Variants in DRD3 observed in about 807,000 individuals in gnomAD.
DRD3 encodes the protein dopamine receptor D3, also known as D(3) dopamine receptor.
A neutral mutation model predicts 36.3 loss-of-function variants in DRD3; 19 were observed. The ratio of observed to expected loss-of-function variants is 0.52; its 90% CI spans 0.36 to 0.77. DRD3 has a LOEUF of 0.77. Ranked by LOEUF, DRD3 falls within the 30% of genes least tolerant of loss-of-function variation. The probability of loss-of-function intolerance (pLI) is 0.00; values close to 1 mark genes in which losing one functional copy is unlikely to be tolerated. For missense variants in DRD3, 465 were observed against 505.3 expected (o/e 0.92, Z 0.77); for synonymous variants, 195 against 203.7 (o/e 0.96, Z 0.36).
At chr3:114,195,023 C>G (rs984268132) in intron 1 of DRD3, among the ~76,000 whole-genome samples, 1 of 152,164 alleles carries the variant, frequency 6.6e-6, no homozygotes, top group South Asian at 2.1e-4. Context: ...TCAATCAGCT[C>G]TAATCTACTC....
upstream of DRD3, among the ~76,000 whole-genome samples, chr3:114,183,680 C>T (rs939138451): frequency 3.3e-5 from 5 of 151,628 alleles, no homozygotes; most frequent in Non-Finnish European, 5.9e-5. Context: ...ATATAATACC[C>T]TTTTTTATTT....
At chr3:114,189,482 C>T (rs1284794702) in intron 1 of DRD3, among the ~76,000 whole-genome samples, 2 of 152,206 alleles carry the variant, frequency 1.3e-5, no homozygotes, top group African/African-American at 2.4e-5. Flanking sequence ...TCATTTCCAG[C>T]TCCAATTGTC....
chr3:114,166,705 G>C (rs2077788717), intron 2 of DRD3, among the ~76,000 whole-genome samples: 1 of 152,164 alleles, frequency 6.6e-6, no homozygotes, highest in African/African-American at 2.4e-5. Flanking sequence ...GTTTAGCTCA[G>C]AGCTGCTCAA....
chr3:114,145,006 C>T (rs1190772601), intron 4 of DRD3, among the ~76,000 whole-genome samples: 2 of 152,062 alleles, frequency 1.3e-5, no homozygotes, highest in Admixed American at 6.6e-5. Context: ...CGACATTAAC[C>T]GAGAACTCAG....
intron 4 of DRD3, among the ~76,000 whole-genome samples, chr3:114,145,183 C>A (rs1017670147): frequency 6.6e-6 from 1 of 152,044 alleles, no homozygotes; most frequent in African/African-American, 2.4e-5. Context: ...CTTGGTCTAG[C>A]AGTGGTGAGT....
At chr3:114,195,629 A>G (rs1335180211) in intron 1 of DRD3, among the ~76,000 whole-genome samples, 1 of 152,222 alleles carries the variant, frequency 6.6e-6, no homozygotes, top group African/African-American at 2.4e-5. Flanking sequence ...GTGACTGAAC[A>G]TCTATATAGT....
At chr3:114,142,603 G>GT (rs1324058171) in intron 4 of DRD3, among the ~76,000 whole-genome samples, 1 of 152,172 alleles carries the variant, frequency 6.6e-6, no homozygotes, top group Non-Finnish European at 1.5e-5. Flanking sequence ...GAATATTAAT[G>GT]TTTGTTTCTA....
chr3:114,185,667 T>C (rs1455367516), intron 1 of DRD3, among the ~76,000 whole-genome samples: 1 of 152,078 alleles, frequency 6.6e-6, no homozygotes, highest in Admixed American at 6.6e-5. Flanking sequence ...TGTTTCTTCA[T>C]GTGCCTTGTA....
chr3:114,198,112 G>A (rs1181385547), intron 1 of DRD3, among the ~76,000 whole-genome samples: 1 of 151,954 alleles, frequency 6.6e-6, no homozygotes, highest in African/African-American at 2.4e-5. Flanking sequence ...GTTTTTCTCA[G>A]CAATATTTTT....
intron 2 of DRD3, among the ~76,000 whole-genome samples, chr3:114,164,425 T>A (rs1289904333): frequency 6.6e-6 from 1 of 152,002 alleles, no homozygotes; most frequent in Non-Finnish European, 1.5e-5. Context: ...CAGGAAAGTG[T>A]CTTCAGGTAC....
intron 5 of DRD3, among the ~76,000 whole-genome samples, chr3:114,137,859 G>A (rs1195799617): frequency 1.7e-4 from 26 of 150,914 alleles, no homozygotes; most frequent in African/African-American, 5.6e-4. Context: ...TTAGCCGGGC[G>A]TGATGGTGGG....
chr3:114,145,602 C>G (rs987211648), intron 4 of DRD3, among the ~76,000 whole-genome samples: 6 of 152,082 alleles, frequency 3.9e-5, no homozygotes, highest in Non-Finnish European at 8.8e-5. Context: ...CCAATTTAAT[C>G]CTCATTTAAT....
At chr3:114,168,273 C>CATG (rs1285207954) in intron 2 of DRD3, among the ~76,000 whole-genome samples, 3 of 152,150 alleles carry the variant, frequency 2.0e-5, no homozygotes, top group African/African-American at 7.2e-5. Context: ...CACTTAAATC[C>CATG]ATGTCTTCTG....
At chr3:114,193,098 T>C (rs1403705221) in intron 1 of DRD3, among the ~76,000 whole-genome samples, 1 of 151,688 alleles carries the variant, frequency 6.6e-6, no homozygotes, top group African/African-American at 2.4e-5. Context: ...GCTAACACGG[T>C]GAAACCCCGC....
chr3:114,170,697 G>A (rs2077831436), intron 2 of DRD3, among the ~76,000 whole-genome samples: 3 of 151,974 alleles, frequency 2.0e-5, no homozygotes, highest in Admixed American at 2.0e-4. Context: ...CTATGTACAA[G>A]GTTTTTGCTC....
Position 114,171,995 on chromosome 3 carries a change from C to A in DRD3, c.-3G>T, listed in dbSNP as rs765998815. ...CTCAGCTGGCTCAGAGATGCCATAG[C>A]CCAGAGGGAGGTGCGTGATGCCAAG... On this transcript the variant is annotated 5_prime_UTR_variant, in exon 2 of 7. Coordinates refer to ENST00000383673, the MANE Select transcript of DRD3 (RefSeq NM_000796.6). The A allele has an allele frequency of 3.5e-6, 5 of 1,440,196 alleles. No individual in the cohort carries two copies. Among genetic ancestry groups the A allele is most frequent in the East Asian group, 5.3e-5 (2 of 37,816 alleles). The allele number at this position is 1,440,196 out of a possible 1,614,324, so 89.2% of individuals were successfully genotyped here.
intron 1 of DRD3, among the ~76,000 whole-genome samples, chr3:114,193,140 G>A (rs1351670981): frequency 3.3e-5 from 5 of 152,052 alleles, no homozygotes; most frequent in Admixed American, 2.0e-4. Context: ...TTAGCTGGGC[G>A]TGGTGGCGGG....
At chr3:114,141,846 T>A (rs1400441076) in intron 4 of DRD3, among the ~76,000 whole-genome samples, 2 of 151,944 alleles carry the variant, frequency 1.3e-5, no homozygotes, top group East Asian at 3.9e-4. Context: ...GGTCAGGAGT[T>A]CGAGACGAGC....
rs2077926502 is a variant in DRD3 at position 114,178,801 on chromosome 3, A to G, written c.-180T>C. 6.6e-6 allele frequency: 1 copy of G among 152,122 alleles called. No homozygotes were observed. Among genetic ancestry groups the G allele is most frequent in the Non-Finnish European group, 1.5e-5 (1 of 67,996 alleles). 9.4% of individuals were successfully genotyped at this position (152,122 alleles called of 1,614,324 possible). ...ACTATGAAATGAACAGAAAGAAATC[A>G]CCCATTTTTGCCTCTAAGGTGAAAT... is the stretch of plus-strand genomic sequence containing the variant. On this transcript the variant is annotated 5_prime_UTR_variant, in exon 1 of 7. Coordinates refer to ENST00000383673, the MANE Select transcript of DRD3 (RefSeq NM_000796.6).
Sources: allele counts gnomAD v4.1 joint callset (sites outside exome capture counted in the v4.1 genomes callset), GRCh38; gene constraint gnomAD v4.1.1; transcripts MANE v1.5; gene names NCBI Gene and HGNC (gene_info 2026-07-23, HGNC 2026-07-21).